Variants in SGCZ observed in about 807,000 individuals in gnomAD.
The protein encoded by SGCZ is sarcoglycan zeta.
Under a neutral mutation model 41.3 loss-of-function variants are expected in SGCZ, and 40 were observed. The observed-to-expected ratio is 0.97, with a 90% CI of 0.75 to 1.26. SGCZ has a LOEUF of 1.26. SGCZ is among the 50% of genes most tolerant of loss of function. The pLI is 0.00. For synonymous variants in SGCZ, 206 were observed against 137.5 expected, an observed-to-expected ratio of 1.50 and a Z score of -3.49; for missense variants, 552 against 369.8, an observed-to-expected ratio of 1.49 and a Z score of -4.04.
At chr8:14,264,035 G>T (rs1015121565) in intron 3 of SGCZ, among the ~76,000 whole-genome samples, 3 of 152,166 alleles carry the variant, frequency 2.0e-5, no homozygotes, top group Non-Finnish European at 4.4e-5. Flanking sequence ...AGCTCTAAAA[G>T]GCAACCTACA....
At chr8:14,919,244 G>C (rs530535143) in intron 1 of SGCZ, among the ~76,000 whole-genome samples, 1 of 151,878 alleles carries the variant, frequency 6.6e-6, no homozygotes, top group African/African-American at 2.4e-5. Context: ...TTTGAGATCA[G>C]CCTGGGTAAC....
At chr8:14,147,022 C>T (rs1803548323) in intron 5 of SGCZ, among the ~76,000 whole-genome samples, 1 of 150,966 alleles carries the variant, frequency 6.6e-6, no homozygotes, top group South Asian at 2.1e-4. Flanking sequence ...TAGTTTTCTT[C>T]GTATCAGTGT....
At chr8:14,793,396 G>C (rs1225750945) in intron 1 of SGCZ, among the ~76,000 whole-genome samples, 1 of 152,114 alleles carries the variant, frequency 6.6e-6, no homozygotes, top group African/African-American at 2.4e-5. Flanking sequence ...ACGTAGCACA[G>C]ATACTATTAA....
At chr8:14,198,780 T>G (rs1029723622) in intron 4 of SGCZ, among the ~76,000 whole-genome samples, 30 of 152,194 alleles carry the variant, frequency 2.0e-4, no homozygotes, top group Non-Finnish European at 3.2e-4. Flanking sequence ...GTTCCCCAAA[T>G]TAATACTTTT....
chr8:15,103,168 A>G (rs1157819653), intron 1 of SGCZ, among the ~76,000 whole-genome samples: 1 of 152,264 alleles, frequency 6.6e-6, no homozygotes, highest in East Asian at 1.9e-4. Context: ...TGGGAGGCCA[A>G]GGCAGATGCA....
chr8:15,200,520 G>C (rs192821583), intron 1 of SGCZ, among the ~76,000 whole-genome samples: 1 of 152,226 alleles, frequency 6.6e-6, no homozygotes, highest in African/African-American at 2.4e-5. Flanking sequence ...GGGTACCATG[G>C]ATAGCCTAAT....
At chr8:15,179,646 T>C (rs920647170) in intron 1 of SGCZ, among the ~76,000 whole-genome samples, 9 of 152,152 alleles carry the variant, frequency 5.9e-5, no homozygotes, top group Admixed American at 5.2e-4. Flanking sequence ...AAATAATTTA[T>C]GACTGAAAAA....
chr8:14,952,213 G>A (rs894088244), intron 1 of SGCZ, among the ~76,000 whole-genome samples: 1 of 151,880 alleles, frequency 6.6e-6, no homozygotes, highest in African/African-American at 2.4e-5. Flanking sequence ...TTACTGTTTT[G>A]TTATGTCACC....
chr8:14,795,253 A>C (rs980386710), intron 1 of SGCZ, among the ~76,000 whole-genome samples: 1 of 152,172 alleles, frequency 6.6e-6, no homozygotes, highest in Non-Finnish European at 1.5e-5. Flanking sequence ...ATTCACACTA[A>C]ATTTTATTTA....
rs148858053 is a variant in SGCZ at position 14,260,129 on chromosome 8, T to C, written c.337-22450A>G. Among the ~76,000 whole-genome samples, 707 of 152,176 alleles carry C rather than the reference T, an allele frequency of 4.6e-3. 28 individuals carry two copies. The highest frequency in any genetic ancestry group is 0.035 in the Admixed American group (535 of 15,256). On this transcript the variant is annotated intron_variant, in intron 3 of 7. Coordinates refer to ENST00000382080, the MANE Select transcript of SGCZ (RefSeq NM_139167.4). ...GCTCTCTGTTTGTCTGTTGTTGGTGTATAAGAAACTACCATCAGAGTGAAC... is the reference window on the plus strand; with the variant it reads ...GCTCTCTGTTTGTCTGTTGTTGGTGCATAAGAAACTACCATCAGAGTGAAC...
intron 1 of SGCZ, among the ~76,000 whole-genome samples, chr8:15,048,082 T>A (rs1389461191): frequency 6.6e-6 from 1 of 152,046 alleles, no homozygotes; most frequent in Non-Finnish European, 1.5e-5. Context: ...ATGGAGTCAA[T>A]CTACCATTCA....
chr8:14,261,526 T>C (rs1425070895), intron 3 of SGCZ, among the ~76,000 whole-genome samples: 1 of 152,180 alleles, frequency 6.6e-6, no homozygotes, highest in Non-Finnish European at 1.5e-5. Context: ...CTGAACATAA[T>C]ATTTTATCAG....
intron 1 of SGCZ, among the ~76,000 whole-genome samples, chr8:14,930,852 G>T (rs1430115503): frequency 2.0e-5 from 3 of 151,848 alleles, no homozygotes; most frequent in African/African-American, 7.3e-5. Flanking sequence ...CTAGGGGATG[G>T]ATAGCATTGG....
intron 2 of SGCZ, among the ~76,000 whole-genome samples, chr8:14,483,782 G>C (rs185278369): frequency 3.3e-5 from 5 of 152,162 alleles, no homozygotes; most frequent in Admixed American, 1.3e-4. Flanking sequence ...AAAATACTAT[G>C]TATATATGAA....
intron 5 of SGCZ, among the ~76,000 whole-genome samples, chr8:14,146,695 A>AC (rs896991938): frequency 3.3e-5 from 5 of 151,486 alleles, no homozygotes; most frequent in Non-Finnish European, 5.9e-5. Context: ...AAACAGTGAG[A>AC]CCCCGTCTCT....
intron 2 of SGCZ, among the ~76,000 whole-genome samples, chr8:14,540,927 A>C (rs1803446555): frequency 6.6e-6 from 1 of 151,512 alleles, no homozygotes; most frequent in Non-Finnish European, 1.5e-5. Flanking sequence ...ATGATTGTTT[A>C]GTTGATGTTA....
chr8:15,080,947 G>A lies in SGCZ; in HGVS notation c.39+156638C>T, dbSNP rs568540756. 2.2e-4 allele frequency among the ~76,000 whole-genome samples: 34 copies of A among 152,114 alleles called. No individual in the cohort carries two copies. The South Asian group carries it at 6.6e-3, about 30-fold the overall frequency. ...TTCAGACAGACATAATGCACAGAGG[G>A]AAGACCACGTGAAGACACAGGGAGG... On this transcript the variant is annotated intron_variant, in intron 1 of 7. Transcript: ENST00000382080.
At chr8:14,657,393 T>C (rs1807610623) in intron 1 of SGCZ, among the ~76,000 whole-genome samples, 1 of 152,140 alleles carries the variant, frequency 6.6e-6, no homozygotes, top group Admixed American at 6.6e-5. Flanking sequence ...AATACGCATA[T>C]TTGACAGCTA....
chr8:14,197,494 G>A lies in SGCZ; in HGVS notation c.425-32792C>T, dbSNP rs7819744. 3.8e-3 allele frequency among the ~76,000 whole-genome samples: 573 copies of A among 152,038 alleles called. 3 individuals carry two copies. Among genetic ancestry groups the A allele is most frequent in the African/African-American group, 9.5e-3 (395 of 41,486 alleles). On this transcript the variant is annotated intron_variant, in intron 4 of 7. Coordinates refer to ENST00000382080, the MANE Select transcript of SGCZ (RefSeq NM_139167.4). ...TATCACAAGAATGCAAGGCTGGTAT[G>A]TTCAGCCTTTGAAAAATCTACCAAT...
Sources: allele counts gnomAD v4.1 joint callset (sites outside exome capture counted in the v4.1 genomes callset), GRCh38; gene constraint gnomAD v4.1.1; transcripts MANE v1.5; gene names NCBI Gene and HGNC (gene_info 2026-07-23, HGNC 2026-07-21).